Variants in ZNF30 observed in about 807,000 individuals in gnomAD.
ZNF30 encodes zinc finger protein 30, also known as zinc finger protein 30 (KOX 28).
A neutral mutation model predicts 13.2 loss-of-function variants in ZNF30; 15 were observed. That is an observed-to-expected ratio of 1.13 (90% CI 0.76 to 1.75). The LOEUF (loss-of-function observed/expected upper bound fraction) is 1.75. ZNF30 is among the 40% of genes most tolerant of loss of function. ZNF30 has a pLI of 0.00. For missense variants in ZNF30, 726 were observed against 757.0 expected (o/e 0.96, Z 0.48); for synonymous variants, 223 against 256.6 (o/e 0.87, Z 1.25).
chr19:34,928,256 G>GATAT (rs1166347710), intron 1 of ZNF30, among the ~76,000 whole-genome samples: 28 of 43,912 alleles, frequency 6.4e-4, no homozygotes, highest in South Asian at 8.6e-4. Context: ...TATATATATA[G>GATAT]ATAGATAGAT....
At chr19:34,931,737 A>G (rs1225118794) in intron 2 of ZNF30, 106 bp from the exon 3 acceptor site, 5 of 1,194,808 alleles carry the variant, frequency 4.2e-6, no homozygotes, top group East Asian at 2.6e-5. Context: ...TTGCCACATC[A>G]TAAGCTTCCA....
intron 4 of ZNF30, among the ~76,000 whole-genome samples, chr19:34,936,109 T>C (rs1005198461): frequency 1.3e-5 from 2 of 152,150 alleles, no homozygotes; most frequent in African/African-American, 2.4e-5. Flanking sequence ...CACGTGGGAA[T>C]TATGGGAGCT....
intron 4 of ZNF30, among the ~76,000 whole-genome samples, chr19:34,941,303 T>G (rs530173467): frequency 1.3e-5 from 2 of 152,208 alleles, no homozygotes; most frequent in Admixed American, 1.3e-4. Context: ...CTCACTCTGT[T>G]GCCCAGGCTG....
In ZNF30 at chr19:34,933,230, C is replaced by T. The variant is rs375064074; in HGVS notation, c.161-398C>T. 7.9e-5 allele frequency among the ~76,000 whole-genome samples: 12 copies of T among 151,936 alleles called. No homozygotes were observed. In the East Asian group the frequency reaches 1.2e-3, roughly 15 times the overall value. ...CAGCACTTTGGGAGGCCAAGGTGGG[C>T]GGATCACGAGGTCAAGATATCGAGA... On this transcript the variant is annotated intron_variant, in intron 3 of 4. Coordinates refer to ENST00000601142, the MANE Select transcript of ZNF30 (RefSeq NM_194325.3).
intron 4 of ZNF30, among the ~76,000 whole-genome samples, chr19:34,940,287 G>A (rs8100832): frequency 0.49 from 74,156 of 152,024 alleles, 22,271 homozygotes; most frequent in African/African-American, 0.86. Context: ...AAGATAGGCC[G>A]TTATCTTCTT....
intron 4 of ZNF30, among the ~76,000 whole-genome samples, chr19:34,935,677 T>C (rs1338863946): frequency 3.3e-5 from 5 of 151,400 alleles, no homozygotes; most frequent in African/African-American, 1.2e-4. Context: ...CTTCATGTAG[T>C]TTTGTTGTAT....
chr19:34,941,804 C>T lies in ZNF30; in HGVS notation c.257-1419C>T, dbSNP rs540618095. ...CACCCCAGTGATCTCGTCCTATGGGCTTATCAAATAATATGGCAATATTTT... is the reference window on the plus strand; with the variant it reads ...CACCCCAGTGATCTCGTCCTATGGGTTTATCAAATAATATGGCAATATTTT... On this transcript the variant is annotated intron_variant, in intron 4 of 4. Transcript: ENST00000601142. Among the ~76,000 whole-genome samples the T allele has an allele frequency of 4.6e-5, 7 of 152,240 alleles. No homozygotes were observed. In the South Asian group the frequency reaches 1.5e-3, roughly 32 times the overall value.
chr19:34,941,734 A>G (rs2013058789), intron 4 of ZNF30, among the ~76,000 whole-genome samples: 1 of 152,196 alleles, frequency 6.6e-6, no homozygotes, highest in African/African-American at 2.4e-5. Flanking sequence ...TATCTAATCC[A>G]GTTTTGCAGT....
At chr19:34,925,886 A>C (rs1164502139), upstream of ZNF30, among the ~76,000 whole-genome samples, 1 of 152,040 alleles carries the variant, frequency 6.6e-6, no homozygotes, top group Non-Finnish European at 1.5e-5. Context: ...ATAAGAACAG[A>C]GCTCGGCTGG....
intron 4 of ZNF30, among the ~76,000 whole-genome samples, chr19:34,936,851 G>A (rs902884003): frequency 2.6e-5 from 4 of 152,074 alleles, no homozygotes; most frequent in East Asian, 3.9e-4. Flanking sequence ...AGCTATGATC[G>A]CACCACTGCA....
chr19:34,939,741 T>G (rs2012940400), intron 4 of ZNF30, among the ~76,000 whole-genome samples: 2 of 152,258 alleles, frequency 1.3e-5, no homozygotes, highest in Non-Finnish European at 2.9e-5. Context: ...GTTATTTCAC[T>G]ACTGCATCAT....
upstream of ZNF30, among the ~76,000 whole-genome samples, chr19:34,924,174 AG>A (rs889889402): frequency 4.1e-4 from 62 of 152,262 alleles, no homozygotes; most frequent in African/African-American, 1.4e-3. Context: ...TCAAAACACA[AG>A]GGCATAGCAG....
Position 34,944,561 on chromosome 19 carries a change from G to T in ZNF30, c.1595G>T (p.Arg532Ile), listed in dbSNP as rs760026206. The T allele has an allele frequency of 1.1e-5, 17 of 1,614,154 alleles. No homozygotes were observed. The highest frequency in any genetic ancestry group is 3.3e-5 in the South Asian group (3 of 91,084). ...GGCTCATACCTTGTTCAGCATCAAA[G>T]AATTCATACTGGGGAGAAACCCTAT... ...SSGSYLVQHQRIHTGEKPYEC... is the reference protein window; with the variant it reads ...SSGSYLVQHQIIHTGEKPYEC... The change falls in exon 5 of 5, where the codon AGA (arginine) becomes ATA (isoleucine). Residue 532 changes from arginine (R) to isoleucine (I), a missense_variant. Coordinates refer to ENST00000601142, the MANE Select transcript of ZNF30 (RefSeq NM_194325.3).
intron 4 of ZNF30, among the ~76,000 whole-genome samples, chr19:34,935,995 T>C (rs1271795458): frequency 6.6e-6 from 1 of 152,212 alleles, no homozygotes; most frequent in Non-Finnish European, 1.5e-5. Context: ...GGGTTTCCCC[T>C]TAGAAAGCCA....
chr19:34,943,251 C>T lies in ZNF30; in HGVS notation c.285C>T (p.Gly95=), dbSNP rs756269469. 6.3e-7 allele frequency: 1 copy of T among 1,599,798 alleles called. No individual in the cohort carries two copies. The highest frequency in any genetic ancestry group is 2.2e-5 in the East Asian group (1 of 44,616). Reference sequence around the variant, plus strand: ...TGCAGTTGGAAGATGATACAATCGGCTGTAAAGAAATGCCCACCTCTGAAA... The same window carrying T: ...TGCAGTTGGAAGATGATACAATCGGTTGTAAAGAAATGCCCACCTCTGAAA... ...TDLQLEDDTI[G]CKEMPTSENC... The change falls in exon 5 of 5, where the codon GGC becomes GGT. Residue 95 remains glycine (G), a synonymous_variant. Coordinates refer to ENST00000601142, the MANE Select transcript of ZNF30 (RefSeq NM_194325.3).
Position 34,927,196 on chromosome 19 carries a change from G to A in ZNF30, c.-85G>A, listed in dbSNP as rs973089952. The A allele has an allele frequency of 7.0e-5, 27 of 384,268 alleles. No individual in the cohort carries two copies. The highest frequency in any genetic ancestry group is 1.1e-4 in the Non-Finnish European group (24 of 217,516). The allele number at this position is 384,268 out of a possible 1,614,324, so 23.8% of individuals were successfully genotyped here. A position where few individuals can be genotyped will look rare whatever the true frequency, so the allele number is the denominator to read the frequency against. On this transcript the variant is annotated 5_prime_UTR_variant, in exon 1 of 5. Transcript: ENST00000601142. ...GAGCTCTGCAGACCTGTGTCGGCGC[G>A]GAACCCGGACTGAGACATGCGTGAG...
At chr19:34,932,438 T>C (rs2012500098) in intron 3 of ZNF30, among the ~76,000 whole-genome samples, 1 of 152,196 alleles carries the variant, frequency 6.6e-6, no homozygotes, top group Non-Finnish European at 1.5e-5. Flanking sequence ...CATTTAAGAG[T>C]AAATGCAAAT....
chr19:34,944,440 A>G lies in ZNF30; in HGVS notation c.1474A>G (p.Thr492Ala), dbSNP rs376506692. 4.0e-5 allele frequency: 65 copies of G among 1,613,424 alleles called. No homozygotes were observed. Among genetic ancestry groups the G allele is most frequent in the Non-Finnish European group, 5.3e-5 (63 of 1,179,916 alleles). ...CTATGAATGTAAGGAATGTGGAAAG[A>G]CTTTTAGTCGAGCCTCGTACCTTGT... ...KPYECKECGK[T>A]FSRASYLVQH... Residue 492 changes from threonine (T) to alanine (A), a missense_variant, in exon 5 of 5, where the codon ACT becomes GCT. Thr to Ala is a moderately conservative substitution (Grantham distance 58). Transcript: ENST00000601142.
chr19:34,926,840 C>T (rs1030791614), upstream of ZNF30: 2 of 396,702 alleles, frequency 5.0e-6, no homozygotes, highest in Non-Finnish European at 8.9e-6. Context: ...ACTCGAGCGC[C>T]TGCGCCTGCG....
Sources: gnomAD v4.1 joint callset for allele counts (sites outside exome capture counted in the v4.1 genomes callset) on GRCh38, gnomAD v4.1.1 for gene constraint, MANE v1.5 for transcripts, NCBI Gene and HGNC (gene_info 2026-07-23, HGNC 2026-07-21) for gene names.